The following MRPL1 variants were observed in gnomAD, a reference collection of about 807,000 sequenced individuals.
The protein encoded by MRPL1 is mitochondrial ribosomal protein L1.
Under a neutral mutation model 38.0 loss-of-function variants are expected in MRPL1, and 28 were observed. That is an observed-to-expected ratio of 0.74 (90% CI 0.55 to 1.01). MRPL1 has a LOEUF of 1.01. Among genes scored for constraint, MRPL1 ranks in the 50% least tolerant of loss-of-function variants. The probability of loss-of-function intolerance (pLI) is 0.00; values close to 1 mark genes in which losing one functional copy is unlikely to be tolerated. For synonymous variants in MRPL1, 123 were observed against 126.7 expected, an observed-to-expected ratio of 0.97 and a Z score of 0.20; for missense variants, 358 against 389.8, an observed-to-expected ratio of 0.92 and a Z score of 0.69.
At chr4:77,904,685 TAGATC>T (rs1237631201) in intron 6 of MRPL1, among the ~76,000 whole-genome samples, 3 of 152,240 alleles carry the variant, frequency 2.0e-5, no homozygotes, top group African/African-American at 4.8e-5. Flanking sequence ...TAAATGAAGA[TAGATC>T]AGACACTGAG....
intron 6 of MRPL1, among the ~76,000 whole-genome samples, chr4:77,905,954 T>C (rs1462939533): frequency 1.3e-5 from 2 of 152,200 alleles, no homozygotes; most frequent in Non-Finnish European, 2.9e-5. Context: ...GGTAGAGATA[T>C]CAAATTGGTG....
chr4:77,909,154 A>G (rs1483587101), intron 6 of MRPL1, 112 bp from the exon 7 acceptor site: 1 of 738,634 alleles, frequency 1.4e-6, no homozygotes, highest in Admixed American at 2.6e-5. Flanking sequence ...ACTAAAGTTT[A>G]TCTGCCACAA....
intron 7 of MRPL1, among the ~76,000 whole-genome samples, chr4:77,913,020 T>C (rs1291069976): frequency 6.6e-6 from 1 of 152,068 alleles, no homozygotes; most frequent in Non-Finnish European, 1.5e-5. Flanking sequence ...CAACCAATAC[T>C]TCAAGACATA....
At chr4:77,937,118 C>T (rs1418696055) in intron 7 of MRPL1, among the ~76,000 whole-genome samples, 1 of 151,340 alleles carries the variant, frequency 6.6e-6, no homozygotes, top group Non-Finnish European at 1.5e-5. Context: ...GAGTAAAATG[C>T]TGTCTCAAAA....
intron 7 of MRPL1, among the ~76,000 whole-genome samples, chr4:77,919,282 T>C (rs1285466047): frequency 6.6e-6 from 1 of 152,204 alleles, no homozygotes. Flanking sequence ...TTTAAAATAC[T>C]TGGCCTTCAG....
At chr4:77,885,403 T>C in intron 4 of MRPL1, 64 bp downstream of exon 4, 1 of 1,300,070 alleles carries the variant, frequency 7.7e-7, no homozygotes, top group Non-Finnish European at 1.1e-6. Flanking sequence ...AGTCTCACTC[T>C]GTCACCAGTC....
At chr4:77,871,895 T>A (rs1304209488) in intron 2 of MRPL1, 40 bp downstream of exon 2, 1 of 1,296,068 alleles carries the variant, frequency 7.7e-7, no homozygotes, top group Non-Finnish European at 1.1e-6. Context: ...TTTGTTGTCA[T>A]TTTAATTTTT....
intron 7 of MRPL1, among the ~76,000 whole-genome samples, chr4:77,928,027 G>T (rs1736757376): frequency 6.6e-6 from 1 of 152,098 alleles, no homozygotes; most frequent in Admixed American, 6.5e-5. Flanking sequence ...TATGTTCTTT[G>T]TTTTTCTTCT....
intron 1 of MRPL1, among the ~76,000 whole-genome samples, chr4:77,866,791 A>C (rs1252257118): frequency 1.4e-5 from 2 of 145,192 alleles, no homozygotes; most frequent in African/African-American, 5.2e-5. Flanking sequence ...CTTGTTGCCC[A>C]GGCTGGAGTG....
At chr4:77,875,054 C>T (rs1735362757) in intron 2 of MRPL1, among the ~76,000 whole-genome samples, 1 of 152,040 alleles carries the variant, frequency 6.6e-6, no homozygotes, top group Admixed American at 6.6e-5. Flanking sequence ...TCCCAAAGTG[C>T]TGGGATTACA....
chr4:77,934,311 A>G (rs1228095169), intron 7 of MRPL1, among the ~76,000 whole-genome samples: 1 of 152,254 alleles, frequency 6.6e-6, no homozygotes, highest in Non-Finnish European at 1.5e-5. Flanking sequence ...ATGATATGAG[A>G]CTTGAATCTA....
chr4:77,871,366 G>T (rs558351828), intron 1 of MRPL1, among the ~76,000 whole-genome samples: 2 of 151,254 alleles, frequency 1.3e-5, no homozygotes, highest in East Asian at 3.9e-4. Flanking sequence ...GTGCGGTGGC[G>T]CTATATCGGC....
intron 5 of MRPL1, among the ~76,000 whole-genome samples, 176 bp from the exon 6 acceptor site, chr4:77,893,963 A>G (rs903461022): frequency 6.6e-6 from 1 of 151,818 alleles, no homozygotes; most frequent in African/African-American, 2.4e-5. Context: ...AAAATGTTTT[A>G]CTTCTGATGG....
At chr4:77,939,558 T>C (rs1737069969) in intron 7 of MRPL1, among the ~76,000 whole-genome samples, 2 of 152,218 alleles carry the variant, frequency 1.3e-5, no homozygotes, top group Admixed American at 6.5e-5. Flanking sequence ...GTTCCATCTA[T>C]TTATCTTTGT....
chr4:77,936,240 A>G (rs969990050), intron 7 of MRPL1, among the ~76,000 whole-genome samples: 6 of 151,984 alleles, frequency 3.9e-5, no homozygotes, highest in African/African-American at 1.2e-4. Context: ...TATCTTGAAC[A>G]CTTTCCCATG....
intron 7 of MRPL1, among the ~76,000 whole-genome samples, chr4:77,918,528 A>C (rs1369514967): frequency 6.6e-6 from 1 of 152,138 alleles, no homozygotes; most frequent in East Asian, 1.9e-4. Context: ...TCTTACAAGC[A>C]TGTGAGCTAT....
At chr4:77,868,048 G>A (rs1424053165) in intron 1 of MRPL1, among the ~76,000 whole-genome samples, 3 of 151,096 alleles carry the variant, frequency 2.0e-5, no homozygotes, top group Admixed American at 6.6e-5. Flanking sequence ...GAGCCACCGC[G>A]CCTGGCCAGT....
chr4:77,905,197 G>A (rs962128883), intron 6 of MRPL1, among the ~76,000 whole-genome samples: 1 of 151,860 alleles, frequency 6.6e-6, no homozygotes, highest in African/African-American at 2.4e-5. Context: ...AGTAGGTATT[G>A]TACAAAAGAA....
At chr4:77,904,595 A>C (rs187430134) in intron 6 of MRPL1, among the ~76,000 whole-genome samples, 46 of 152,218 alleles carry the variant, frequency 3.0e-4, no homozygotes, top group South Asian at 6.2e-4. Context: ...AATGATTTTT[A>C]AAAGGAAGAA....
Sources: allele counts gnomAD v4.1 joint callset (sites outside exome capture counted in the v4.1 genomes callset), GRCh38; gene constraint gnomAD v4.1.1; transcripts MANE v1.5; gene names NCBI Gene and HGNC (gene_info 2026-07-23, HGNC 2026-07-21).